SLC24A3: variants seen among roughly 807,000 people sequenced by gnomAD.
SLC24A3 encodes sodium/potassium/calcium exchanger 3.
SLC24A3 carries 28 observed loss-of-function variants against 75.8 expected under a neutral mutation model. The ratio of observed to expected loss-of-function variants is 0.37; its 90% CI spans 0.27 to 0.51. SLC24A3 has a LOEUF of 0.51. SLC24A3 is among the 20% of genes least tolerant of loss of function. The pLI, the probability that SLC24A3 is intolerant of heterozygous loss-of-function variation, is 0.94. For synonymous variants in SLC24A3, 372 were observed against 334.1 expected (o/e 1.11, Z -1.24); for missense variants, 663 against 847.8 (o/e 0.78, Z 2.71).
intron 2 of SLC24A3, among the ~76,000 whole-genome samples, chr20:19,370,637 G>A (rs1049409393): frequency 6.6e-6 from 1 of 152,218 alleles, no homozygotes. Flanking sequence ...TCATGCTCCT[G>A]TGCCAGGAAG....
chr20:19,553,002 C>G lies in SLC24A3; in HGVS notation c.349-26998C>G, dbSNP rs561393644. On this transcript the variant is annotated intron_variant, in intron 3 of 16. Coordinates refer to ENST00000328041, the MANE Select transcript of SLC24A3 (RefSeq NM_020689.4). ...CAGACTAGGGACCTCGCCTTTCCCTCGTTCCCTCCATCCCTCCCTCCTCCC... is the reference window on the plus strand; with the variant it reads ...CAGACTAGGGACCTCGCCTTTCCCTGGTTCCCTCCATCCCTCCCTCCTCCC... Among the ~76,000 whole-genome samples, 8 of 151,948 alleles carry G rather than the reference C, an allele frequency of 5.3e-5. No homozygotes were observed. The South Asian group carries it at 1.3e-3, about 24-fold the overall frequency.
rs6112340 is a variant in SLC24A3 at position 19,382,911 on chromosome 20, G to C, written c.271+101824G>C. ...TCTACGGCAAAGCCTGCAAAATTGT[G>C]AGCATTCAACTCTGTACAATTACCC... On this transcript the variant is annotated intron_variant, in intron 2 of 16. Coordinates refer to ENST00000328041, the MANE Select transcript of SLC24A3 (RefSeq NM_020689.4). 7.6e-3 allele frequency among the ~76,000 whole-genome samples: 1,152 copies of C among 152,202 alleles called. 9 individuals are homozygous for C. The highest frequency in any genetic ancestry group is 0.026 in the African/African-American group (1,093 of 41,518).
At chr20:19,216,060 T>A (rs1471975565) in intron 1 of SLC24A3, among the ~76,000 whole-genome samples, 1 of 152,216 alleles carries the variant, frequency 6.6e-6, no homozygotes, top group African/African-American at 2.4e-5. Context: ...CTGCAGACAC[T>A]CTTTTCGGAG....
chr20:19,521,495 G>A (rs573677703), intron 3 of SLC24A3, among the ~76,000 whole-genome samples: 17 of 152,286 alleles, frequency 1.1e-4, no homozygotes, highest in Admixed American at 6.5e-4. Context: ...GGAGACTTAT[G>A]TGGATGTGTT....
chr20:19,696,501 T>C, intron 13 of SLC24A3: 1 of 304,330 alleles, frequency 3.3e-6, no homozygotes, highest in South Asian at 1.1e-4. Context: ...TATTGCCTTT[T>C]TCCCAGAAAT....
At chr20:19,326,095 C>G (rs1259209039) in intron 2 of SLC24A3, among the ~76,000 whole-genome samples, 2 of 151,902 alleles carry the variant, frequency 1.3e-5, no homozygotes, top group Admixed American at 1.3e-4. Context: ...GATGTTGAAC[C>G]TGTATTTCTC....
At chr20:19,610,185 A>G (rs916135070) in intron 6 of SLC24A3, among the ~76,000 whole-genome samples, 1 of 151,316 alleles carries the variant, frequency 6.6e-6, no homozygotes, top group Non-Finnish European at 1.5e-5. Flanking sequence ...CTTCCTTCTT[A>G]TCATTCTCTT....
chr20:19,683,616 A>G (rs2032638853), intron 10 of SLC24A3, among the ~76,000 whole-genome samples: 1 of 152,238 alleles, frequency 6.6e-6, no homozygotes, highest in African/African-American at 2.4e-5. Flanking sequence ...ACGTCAATTC[A>G]GTAGCATTTA....
chr20:19,548,565 G>T (rs2030641458), intron 3 of SLC24A3, among the ~76,000 whole-genome samples: 1 of 152,164 alleles, frequency 6.6e-6, no homozygotes, highest in Non-Finnish European at 1.5e-5. Flanking sequence ...GCATGATTGG[G>T]TTCTCTGCTC....
At chr20:19,401,930 C>A (rs1986558688) in intron 2 of SLC24A3, among the ~76,000 whole-genome samples, 1 of 152,186 alleles carries the variant, frequency 6.6e-6, no homozygotes, top group Admixed American at 6.5e-5. Flanking sequence ...TTATTGATCA[C>A]CTTCACTTCA....
intron 2 of SLC24A3, among the ~76,000 whole-genome samples, chr20:19,506,244 C>T (rs368958717): frequency 3.9e-5 from 6 of 152,290 alleles, no homozygotes; most frequent in Admixed American, 2.6e-4. Context: ...TCCAAGTTTT[C>T]TTAGCAAATT....
intron 6 of SLC24A3, among the ~76,000 whole-genome samples, chr20:19,652,152 AT>A (rs2032213431): frequency 1.3e-5 from 2 of 152,266 alleles, no homozygotes; most frequent in South Asian, 2.1e-4. Flanking sequence ...AGCTTCAAAA[AT>A]TTTGTTGTTC....
intron 1 of SLC24A3, among the ~76,000 whole-genome samples, chr20:19,243,202 T>G (rs1347694494): frequency 2.0e-5 from 3 of 152,166 alleles, no homozygotes; most frequent in African/African-American, 7.2e-5. Flanking sequence ...GAAAGTATGA[T>G]TTATAAGATT....
chr20:19,291,476 C>T (rs972432230), intron 2 of SLC24A3, among the ~76,000 whole-genome samples: 1 of 152,192 alleles, frequency 6.6e-6, no homozygotes, highest in African/African-American at 2.4e-5. Flanking sequence ...GAGTAGGTTC[C>T]ACTGAGGCCC....
chr20:19,658,284 A>G, intron 7 of SLC24A3, among the ~76,000 whole-genome samples: 1 of 152,094 alleles, frequency 6.6e-6, no homozygotes, highest in Admixed American at 6.5e-5. Context: ...GGAAAGCGCC[A>G]ATAGAGTCCT....
intron 1 of SLC24A3, among the ~76,000 whole-genome samples, chr20:19,244,710 T>A (rs1409755955): frequency 6.6e-6 from 1 of 152,184 alleles, no homozygotes; most frequent in Non-Finnish European, 1.5e-5. Context: ...GTAAGCCTTT[T>A]CTAAAGGTCA....
intron 6 of SLC24A3, among the ~76,000 whole-genome samples, chr20:19,606,113 C>A (rs1314925621): frequency 6.6e-6 from 1 of 152,214 alleles, no homozygotes; most frequent in Non-Finnish European, 1.5e-5. Context: ...TCCATCAGGG[C>A]CTGTGGCAGC....
chr20:19,512,390 G>A (rs907605056), intron 2 of SLC24A3, among the ~76,000 whole-genome samples: 5 of 152,188 alleles, frequency 3.3e-5, no homozygotes, highest in Non-Finnish European at 7.3e-5. Context: ...GGCCCTTTGG[G>A]TCCTGCTCCA....
chr20:19,295,032 TA>T (rs1191941356), intron 2 of SLC24A3, among the ~76,000 whole-genome samples: 16 of 152,228 alleles, frequency 1.1e-4, no homozygotes, highest in Admixed American at 3.3e-4. Context: ...CTGTGGTTTT[TA>T]TTTGCATTTC....
Sources: allele counts gnomAD v4.1 joint callset (sites outside exome capture counted in the v4.1 genomes callset), GRCh38; gene constraint gnomAD v4.1.1; transcripts MANE v1.5; gene names NCBI Gene and HGNC (gene_info 2026-07-23, HGNC 2026-07-21).